MSRA: variants seen among roughly 807,000 people sequenced by gnomAD.
The protein encoded by MSRA is mitochondrial peptide methionine sulfoxide reductase.
Under a neutral mutation model 31.3 loss-of-function variants are expected in MSRA, and 54 were observed. That is an observed-to-expected ratio of 1.73 (90% CI 1.39 to 2.17). The LOEUF (loss-of-function observed/expected upper bound fraction) is 2.17. Among genes scored for constraint, MSRA ranks in the 30% most tolerant of loss-of-function variants. MSRA has a pLI of 0.00. For synonymous variants in MSRA, 169 were observed against 116.5 expected (o/e 1.45, Z -2.90); for missense variants, 507 against 300.9 (o/e 1.69, Z -5.07).
intron 2 of MSRA, among the ~76,000 whole-genome samples, chr8:10,236,807 G>A (rs2952242): frequency 6.6e-6 from 1 of 152,178 alleles, no homozygotes; most frequent in African/African-American, 2.4e-5. Context: ...CGGCCTTCCA[G>A]AATGCTGAGA....
chr8:10,230,047 TAC>T (rs1811334660), intron 2 of MSRA, among the ~76,000 whole-genome samples: 1 of 152,204 alleles, frequency 6.6e-6, no homozygotes, highest in African/African-American at 2.4e-5. Context: ...TTCAAAGTGT[TAC>T]AGTTTAATTC....
At chr8:10,231,306 C>T (rs1237498513) in intron 2 of MSRA, among the ~76,000 whole-genome samples, 1 of 152,130 alleles carries the variant, frequency 6.6e-6, no homozygotes, top group Non-Finnish European at 1.5e-5. Context: ...GAAACGGTTT[C>T]ATTTGAGATG....
rs1809118197 is a variant in MSRA at position 10,207,697 on chromosome 8, A to C, written c.143-136A>C. 7 of 667,274 alleles carry C rather than the reference A, an allele frequency of 1.0e-5. No homozygotes were observed. In the East Asian group the frequency reaches 2.0e-4, roughly 19 times the overall value. 41.3% of individuals were successfully genotyped at this position (667,274 alleles called of 1,614,324 possible). A position where few individuals can be genotyped will look rare whatever the true frequency, so the allele number is the denominator to read the frequency against. On this transcript the variant is annotated intron_variant, in intron 1 of 5. Transcript: ENST00000317173. ...TGGAGATGAAAAACAAAATAATTGA[A>C]GCTCTCTTCAGAGGGTAAGCTTGGG...
At chr8:10,274,425 T>C (rs189767257) in intron 3 of MSRA, among the ~76,000 whole-genome samples, 80 of 152,254 alleles carry the variant, frequency 5.3e-4, no homozygotes, top group Non-Finnish European at 8.8e-5. Context: ...ACTCCAAATG[T>C]CACCATTATC....
At chr8:10,054,996 G>A (rs956050169) in intron 1 of MSRA, among the ~76,000 whole-genome samples, 1 of 152,194 alleles carries the variant, frequency 6.6e-6, no homozygotes, top group Non-Finnish European at 1.5e-5. Flanking sequence ...CCTTGCTCGC[G>A]GGCGCCCGCG....
chr8:10,072,128 A>G (rs1052374129), intron 1 of MSRA, among the ~76,000 whole-genome samples: 1 of 152,066 alleles, frequency 6.6e-6, no homozygotes, highest in Non-Finnish European at 1.5e-5. Context: ...AAGCAGAACA[A>G]AGGCGCACAC....
chr8:10,351,322 T>A (rs1310632180), intron 5 of MSRA, among the ~76,000 whole-genome samples: 1 of 150,630 alleles, frequency 6.6e-6, no homozygotes, highest in Non-Finnish European at 1.5e-5. Flanking sequence ...GGCGTGATCT[T>A]GGCTCACTGC....
chr8:10,229,994 C>G (rs1811329756), intron 2 of MSRA, among the ~76,000 whole-genome samples: 1 of 152,224 alleles, frequency 6.6e-6, no homozygotes, highest in Non-Finnish European at 1.5e-5. Context: ...GGAATCCCTC[C>G]ATTATGAACT....
At chr8:10,387,623 A>G (rs1172139691) in intron 5 of MSRA, among the ~76,000 whole-genome samples, 1 of 152,186 alleles carries the variant, frequency 6.6e-6, no homozygotes, top group Non-Finnish European at 1.5e-5. Flanking sequence ...TGAGGGGTGC[A>G]AGTTCACTGC....
At chr8:10,382,599 G>T (rs1428310790) in intron 5 of MSRA, among the ~76,000 whole-genome samples, 1 of 152,154 alleles carries the variant, frequency 6.6e-6, no homozygotes, top group Non-Finnish European at 1.5e-5. Flanking sequence ...CTTTGCCAAG[G>T]CATCTCATGA....
chr8:10,282,587 G>A (rs934412387), intron 3 of MSRA, among the ~76,000 whole-genome samples: 1 of 152,148 alleles, frequency 6.6e-6, no homozygotes, highest in African/African-American at 2.4e-5. Flanking sequence ...GTGGCACTGT[G>A]CTTGATGCAA....
rs1798964986 is a variant in MSRA, at chr8:10,270,375, A to G, written c.331+25152A>G. ...TCATTTCTATTCGTTTTCCATAGAA[A>G]TTATGTGTGTCTGCTTTTGAAGAAG... On this transcript the variant is annotated intron_variant, in intron 3 of 5. Coordinates refer to ENST00000317173, the MANE Select transcript of MSRA (RefSeq NM_012331.5). Among the ~76,000 whole-genome samples the G allele has an allele frequency of 2.6e-5, 4 of 151,056 alleles. No individual in the cohort carries two copies. In the South Asian group the frequency reaches 6.4e-4, roughly 24 times the overall value.
At chr8:10,250,979 A>G (rs573731322) in intron 3 of MSRA, 1 of 152,752 alleles carries the variant, frequency 6.5e-6, no homozygotes, top group Non-Finnish European at 1.5e-5. Context: ...TTAAAGATGA[A>G]CATGATGGAT....
chr8:10,221,259 A>G (rs1452729487), intron 2 of MSRA, among the ~76,000 whole-genome samples: 1 of 152,120 alleles, frequency 6.6e-6, no homozygotes, highest in Non-Finnish European at 1.5e-5. Flanking sequence ...CAGCTTTTCA[A>G]TTGCTGTGAA....
chr8:10,256,853 G>A (rs895387884), intron 3 of MSRA, among the ~76,000 whole-genome samples: 1 of 152,154 alleles, frequency 6.6e-6, no homozygotes, highest in Non-Finnish European at 1.5e-5. Context: ...CAGTTTGGGA[G>A]GACCTTGGGC....
At chr8:10,171,805 C>A (rs1010660361) in intron 1 of MSRA, among the ~76,000 whole-genome samples, 2 of 152,186 alleles carry the variant, frequency 1.3e-5, no homozygotes, top group African/African-American at 4.8e-5. Context: ...TAATAGCATT[C>A]TAATAATTCT....
chr8:10,255,662 G>C (rs956739699), intron 3 of MSRA, among the ~76,000 whole-genome samples: 1 of 151,982 alleles, frequency 6.6e-6, no homozygotes, highest in Admixed American at 6.6e-5. Flanking sequence ...GTGTTCGGTT[G>C]CGTTTGATAG....
At chr8:10,094,013 C>G (rs952609688) in intron 1 of MSRA, among the ~76,000 whole-genome samples, 1 of 152,200 alleles carries the variant, frequency 6.6e-6, no homozygotes, top group Non-Finnish European at 1.5e-5. Context: ...TGATGAGTCG[C>G]TTCTCCAATG....
intron 2 of MSRA, among the ~76,000 whole-genome samples, chr8:10,241,805 C>T (rs1405556744): frequency 1.3e-5 from 2 of 152,188 alleles, no homozygotes; most frequent in African/African-American, 4.8e-5. Flanking sequence ...CCTCTGGATC[C>T]AATTGTCAAC....
Sources: allele counts gnomAD v4.1 joint callset (sites outside exome capture counted in the v4.1 genomes callset), GRCh38; gene constraint gnomAD v4.1.1; transcripts MANE v1.5; gene names NCBI Gene and HGNC (gene_info 2026-07-23, HGNC 2026-07-21).